Variants in SHTN1 observed in about 807,000 individuals in gnomAD.
SHTN1 encodes the protein shootin 1.
A neutral mutation model predicts 83.1 loss-of-function variants in SHTN1; 42 were observed. The ratio of observed to expected loss-of-function variants is 0.51; its 90% CI spans 0.39 to 0.65. The LOEUF is 0.65. Among genes scored for constraint, SHTN1 ranks in the 30% least tolerant of loss-of-function variants. The pLI is 0.00. For synonymous variants in SHTN1, 224 were observed against 247.7 expected (o/e 0.90, Z 0.90); for missense variants, 622 against 737.8 (o/e 0.84, Z 1.82).
chr10:116,895,898 A>G (rs1207336373), intron 16 of SHTN1, among the ~76,000 whole-genome samples: 1 of 152,194 alleles, frequency 6.6e-6, no homozygotes, highest in Non-Finnish European at 1.5e-5. Context: ...GGAGAATTAA[A>G]ATAATAAACA....
At chr10:116,942,628 G>A (rs181368567) in intron 8 of SHTN1, among the ~76,000 whole-genome samples, 22 of 152,250 alleles carry the variant, frequency 1.4e-4, no homozygotes, top group East Asian at 7.7e-4. Flanking sequence ...ATGAACTAGC[G>A]GGAGTTAAGA....
intron 16 of SHTN1, among the ~76,000 whole-genome samples, chr10:116,889,613 C>T (rs2133300344): frequency 6.6e-6 from 1 of 152,270 alleles, no homozygotes; most frequent in African/African-American, 2.4e-5. Flanking sequence ...TGGCCCGAAA[C>T]CACACAGCTC....
intron 16 of SHTN1, chr10:116,900,269 T>G (rs1174126477): frequency 2.2e-6 from 1 of 463,032 alleles, no homozygotes; most frequent in East Asian, 3.3e-5. Flanking sequence ...GAGCTTTAAG[T>G]AGATAAATTA....
chr10:117,052,816 G>A (rs12251711), intron 1 of SHTN1, among the ~76,000 whole-genome samples: 97,928 of 150,230 alleles, frequency 0.65, 35,652 homozygotes, highest in Middle Eastern at 0.84. Flanking sequence ...CCAGGAGATC[G>A]AGACCATCCT....
Position 116,968,657 on chromosome 10 carries a change from T to C in SHTN1, c.167A>G (p.Gln56Arg). The change falls in exon 3 of 17, where the codon CAG becomes CGG. Residue 56 changes from glutamine to arginine, a missense_variant. Physicochemically the swap from Gln to Arg is conservative, Grantham distance 43. Around this residue, in one of 3 missense-constraint regions of SHTN1, gnomAD observed 383 missense variants for 455.8 expected, o/e 0.84. Coordinates refer to ENST00000355371, the MANE Select transcript of SHTN1 (RefSeq NM_001127211.3). ...CCACTGAAATGCTTACGTACTTTTC[T>C]GAAATTCTTCCAGTTTTTTAACGGC... The part of the protein sequence containing the change: ...DEAVKKLEEF[Q>R]KISHMVIEEV... 6.2e-7 allele frequency: 1 copy of C among 1,609,556 alleles called. No individual in the cohort carries two copies. Among genetic ancestry groups the C allele is most frequent in the Non-Finnish European group, 8.5e-7 (1 of 1,176,490 alleles).
rs1223979520 is a variant in SHTN1 at position 116,882,725 on chromosome 10, CA to C, written c.*3618del. The C allele has an allele frequency of 2.0e-5, 3 of 152,164 alleles. No individual in the cohort carries two copies. The highest frequency in any genetic ancestry group is 1.3e-4 in the Admixed American group (2 of 15,276). 9.4% of individuals were successfully genotyped at this position (152,164 alleles called of 1,614,324 possible). A position where few individuals can be genotyped will look rare whatever the true frequency, so the allele number is the denominator to read the frequency against. On this transcript the variant is annotated 3_prime_UTR_variant, in exon 17 of 17. Coordinates refer to ENST00000355371, the MANE Select transcript of SHTN1 (RefSeq NM_001127211.3). ...TACTAACAAGGGACCTTAATTTCCT[CA>C]TAACAGAGCCAACTCTTTATTCTCA...
At chr10:117,061,647 T>C (rs1485107647) in intron 1 of SHTN1, among the ~76,000 whole-genome samples, 2 of 151,850 alleles carry the variant, frequency 1.3e-5, no homozygotes, top group Non-Finnish European at 1.5e-5. Context: ...TTTTGTATTT[T>C]TTTAGTAGAG....
At position 117,089,523 on chromosome 10, in the gene SHTN1, C is replaced by T. The variant is rs546041136; in HGVS notation, c.-189+36784G>A. ...ACAACATAGAGCAAAAGCTTCATGA[C>T]GCTGGATTTGGCAATGATTTTTTTG... On this transcript the variant is annotated intron_variant, in intron 1 of 17. Transcript: ENST00000392901. Among the ~76,000 whole-genome samples, 114 of 152,164 alleles carry T rather than the reference C, an allele frequency of 7.5e-4. 2 individuals carry two copies. In the South Asian group the frequency reaches 0.022, roughly 30 times the overall value.
At chr10:117,006,802 C>T (rs553475965), upstream of SHTN1, among the ~76,000 whole-genome samples, 1 of 151,986 alleles carries the variant, frequency 6.6e-6, no homozygotes, top group East Asian at 1.9e-4. Flanking sequence ...GTGCCCAGCT[C>T]CATTTCTTGT....
intron 1 of SHTN1, among the ~76,000 whole-genome samples, chr10:116,982,930 T>A (rs962252127): frequency 6.6e-6 from 1 of 151,050 alleles, no homozygotes; most frequent in Non-Finnish European, 1.5e-5. Context: ...ACCACTGCAC[T>A]CCAGCCTGGG....
chr10:116,922,170 T>C (rs1046770834), intron 11 of SHTN1, among the ~76,000 whole-genome samples: 4 of 152,114 alleles, frequency 2.6e-5, no homozygotes, highest in East Asian at 3.8e-4. Context: ...GAAGAGAACC[T>C]TGCAACTCCA....
intron 13 of SHTN1, among the ~76,000 whole-genome samples, chr10:116,913,461 T>C (rs771731144): frequency 1.3e-5 from 2 of 152,212 alleles, no homozygotes; most frequent in African/African-American, 2.4e-5. Context: ...TCCCAGATTT[T>C]GAATTGACAT....
chr10:116,948,792 A>G, intron 7 of SHTN1, 124 bp downstream of exon 7: 1 of 489,574 alleles, frequency 2.0e-6, no homozygotes, highest in Non-Finnish European at 3.0e-6. Context: ...ATGCTAGAAA[A>G]TCACAATATA....
At chr10:116,931,651 C>T (rs895575006) in intron 9 of SHTN1, among the ~76,000 whole-genome samples, 2 of 152,032 alleles carry the variant, frequency 1.3e-5, no homozygotes, top group African/African-American at 4.8e-5. Context: ...AAATACTATG[C>T]AACTTTTAAA....
intron 1 of SHTN1, among the ~76,000 whole-genome samples, chr10:117,099,858 A>AGCCT (rs1293738613): frequency 2.6e-5 from 4 of 152,174 alleles, no homozygotes; most frequent in Admixed American, 2.0e-4. Flanking sequence ...CTATAAAATG[A>AGCCT]ATAAATGTCT....
intron 9 of SHTN1, among the ~76,000 whole-genome samples, chr10:116,938,045 T>G (rs1849236977): frequency 6.6e-6 from 1 of 151,992 alleles, no homozygotes. Context: ...AAACTGGTTT[T>G]TCTAGTTAGC....
chr10:117,104,133 GA>G (rs1431579668), intron 1 of SHTN1, among the ~76,000 whole-genome samples: 4 of 152,056 alleles, frequency 2.6e-5, no homozygotes, highest in African/African-American at 9.6e-5. Context: ...TTTTTAGCAT[GA>G]TTTTTTTTTA....
chr10:117,102,872 T>C (rs1018374778), intron 1 of SHTN1, among the ~76,000 whole-genome samples: 15 of 152,204 alleles, frequency 9.9e-5, no homozygotes, highest in Non-Finnish European at 2.2e-4. Context: ...TCAGCATAAC[T>C]ACTGGCCCGG....
At chr10:117,073,417 T>C (rs1853112050) in intron 1 of SHTN1, among the ~76,000 whole-genome samples, 1 of 152,240 alleles carries the variant, frequency 6.6e-6, no homozygotes, top group Non-Finnish European at 1.5e-5. Context: ...TATTTAGCCA[T>C]TTTATAGATG....
Sources: gnomAD v4.1 joint callset for allele counts (sites outside exome capture counted in the v4.1 genomes callset) on GRCh38, gnomAD v4.1.1 for gene constraint, gnomAD v4.1.1 regional missense constraint, MANE v1.5 for transcripts, NCBI Gene and HGNC (gene_info 2026-07-23, HGNC 2026-07-21) for gene names.